The following COL2A1 variants were observed in gnomAD, a reference collection of about 807,000 sequenced individuals.
The protein encoded by COL2A1 is collagen type II alpha 1 chain, also known as collagen alpha-1(II) chain.
In COL2A1, 28 loss-of-function variants were observed where a neutral mutation model predicts 204.5. The observed-to-expected ratio is 0.14, with a 90% CI of 0.10 to 0.19. COL2A1 has a LOEUF of 0.19. Ranked by LOEUF, COL2A1 falls within the 10% of genes least tolerant of loss-of-function variation. COL2A1 has a pLI of 1.00. For missense variants in COL2A1, 1,388 were observed against 2,027.5 expected (o/e 0.68, Z 6.06); for synonymous variants, 708 against 718.7 (o/e 0.99, Z 0.24).
chr12:47,984,053 C>A, intron 29 of COL2A1, 34 bp downstream of exon 29: 1 of 1,599,974 alleles, frequency 6.3e-7, no homozygotes, highest in South Asian at 1.1e-5. Context: ...CCCCTGCCCC[C>A]AGGGCCACCT....
At position 47,995,306 on chromosome 12, in the gene COL2A1, A is replaced by G. The variant is rs764487245; in HGVS notation, c.711T>C (p.Gly237=). 1.4e-5 allele frequency: 23 copies of G among 1,613,290 alleles called. No homozygotes were observed. The highest frequency in any genetic ancestry group is 1.7e-5 in the Non-Finnish European group (20 of 1,179,250). The change falls in exon 11 of 54, where the codon GGT becomes GGC. Residue 237 remains glycine, a splice_region_variant and synonymous_variant. Coordinates refer to ENST00000380518, the MANE Select transcript of COL2A1 (RefSeq NM_001844.5). ...CAGGAGGACCACGGGGACCCATGGG[A>G]CCCTACAAACAAAGGAAGATAGTTT... The part of the protein sequence containing the change: ...PGEPGEPGVS[G]PMGPRGPPGP...
rs73297157 is a variant in COL2A1 at position 47,978,550 on chromosome 12, C to A, written c.2895+47G>T. On this transcript the variant is annotated intron_variant, in intron 42 of 53. Transcript: ENST00000380518. The surrounding 1 kb of genome is among the most constrained non-coding windows in gnomAD (Gnocchi z 5.5). ...GCTCTGTGAGCTCAGAAGCCACTCACGACCCTGCTCCCAGGGACCTTGGCA... is the reference window on the plus strand; with the variant it reads ...GCTCTGTGAGCTCAGAAGCCACTCAAGACCCTGCTCCCAGGGACCTTGGCA... 1 of 1,611,618 alleles carries A rather than the reference C, an allele frequency of 6.2e-7. No individual in the cohort carries two copies. The highest frequency in any genetic ancestry group is 1.3e-5 in the African/African-American group (1 of 74,992).
At chr12:47,975,269 G>A (rs1366657567) in intron 51 of COL2A1, 48 bp downstream of exon 51, 4 of 1,609,434 alleles carry the variant, frequency 2.5e-6, no homozygotes, top group Non-Finnish European at 3.4e-6. Flanking sequence ...AGGCCTAAGG[G>A]ATGACTCCCT....
chr12:47,984,107 C>G lies in COL2A1; in HGVS notation c.1921G>C (p.Ala641Pro). ...LPGKDGETGA[A>P]GPPGPAGPAG... is the part of the protein sequence containing the mutation. ...CTTACAGCAGGGCCAGGGGGTCCTG[C>G]AGCACCTGTCTCACCATCTTTGCCA... is the stretch of plus-strand genomic sequence containing the variant. Residue 641 changes from alanine (A) to proline (P), a missense_variant, in exon 29 of 54, where the codon GCA (alanine) becomes CCA (proline). Coordinates refer to ENST00000380518, the MANE Select transcript of COL2A1 (RefSeq NM_001844.5). 6.2e-7 allele frequency: 1 copy of G among 1,613,536 alleles called. No individual in the cohort carries two copies. The highest frequency in any genetic ancestry group is 8.5e-7 in the Non-Finnish European group (1 of 1,179,824).
chr12:47,997,827 C>T (rs776351171), intron 6 of COL2A1, 44 bp downstream of exon 6: 2 of 1,613,510 alleles, frequency 1.2e-6, no homozygotes, highest in East Asian at 2.2e-5. Context: ...CCTTGGGGGA[C>T]CTGGGAAGTC....
intron 41 of COL2A1, 46 bp downstream of exon 41, chr12:47,979,465 C>T: frequency 6.2e-7 from 1 of 1,604,394 alleles, no homozygotes; most frequent in Non-Finnish European, 8.5e-7. Context: ...CTGGGCCAGG[C>T]TATTCCATGC....
rs769590506 is a variant in COL2A1, at chr12:47,978,728, G to A, written c.2764C>T (p.Pro922Ser). The A allele has an allele frequency of 2.2e-5, 36 of 1,612,924 alleles. No homozygotes were observed. Among genetic ancestry groups the A allele is most frequent in the Non-Finnish European group, 5.9e-6 (7 of 1,179,982 alleles). ...GNPGPPGPPGPSGKDGPKGAR... is the reference protein window; with the variant it reads ...GNPGPPGPPGSSGKDGPKGAR... ...CCTTTGGGACCATCTTTTCCAGAAG[G>A]ACCAGGGGGACCAGGGGGTCCAGGG... Residue 922 changes from proline (P) to serine (S), a missense_variant, in exon 42 of 54, where the codon CCT becomes TCT. By Grantham distance (74) the Pro-to-Ser change is moderately conservative. Around this residue, in one of 3 missense-constraint regions of COL2A1, gnomAD observed 884 missense variants for 1,415.8 expected, o/e 0.62. Coordinates refer to ENST00000380518, the MANE Select transcript of COL2A1 (RefSeq NM_001844.5). This position sits in a 1 kb window ranked among gnomAD's most constrained non-coding sequence, Gnocchi z 5.5.
At chr12:47,994,715 CCT>C (rs925085289) in intron 11 of COL2A1, among the ~76,000 whole-genome samples, 1 of 152,234 alleles carries the variant, frequency 6.6e-6, no homozygotes, top group Non-Finnish European at 1.5e-5. Flanking sequence ...TCCAACTTCC[CCT>C]GAGAGGCTTT....
rs112653089 is a variant in COL2A1, at chr12:47,995,062, G to T, written c.762+193C>A. On this transcript the variant is annotated intron_variant, in intron 11 of 53. Coordinates refer to ENST00000380518, the MANE Select transcript of COL2A1 (RefSeq NM_001844.5). ...TTGTCTTCCCCTTGGATCCAAAGCG[G>T]TCCCCAGGGAACTTGCCAGCACAGT... Among the ~76,000 whole-genome samples, 459 of 152,120 alleles carry T rather than the reference G, an allele frequency of 3.0e-3. 1 individual carries two copies. The highest frequency in any genetic ancestry group is 6.8e-3 in the Middle Eastern group (2 of 294).
chr12:47,984,181 C>G lies in COL2A1; in HGVS notation c.1888-41G>C, dbSNP rs557585133. On this transcript the variant is annotated intron_variant, in intron 28 of 53. Transcript: ENST00000380518. ...AAAGAAAAGTCAATGACACGCTTTT[C>G]TTCCCACTTGCAGTCCCCCTAGGAT... The G allele has an allele frequency of 1.9e-6, 3 of 1,591,772 alleles. No individual in the cohort carries two copies. The Admixed American group carries it at 5.1e-5, about 27-fold the overall frequency.
chr12:47,994,500 C>T lies in COL2A1; in HGVS notation c.763-23G>A, dbSNP rs779245655. On this transcript the variant is annotated intron_variant, in intron 11 of 53. Coordinates refer to ENST00000380518, the MANE Select transcript of COL2A1 (RefSeq NM_001844.5). ...ACCCTGAAGGGAGAGAGAGAGATAT[C>T]CCAGCTTCCTCAGAGACGCAGTAGC... is the stretch of plus-strand genomic sequence containing the variant. 7 of 1,613,048 alleles carry T rather than the reference C, an allele frequency of 4.3e-6. No individual in the cohort carries two copies. The East Asian group carries it at 1.6e-4, about 36-fold the overall frequency.
In COL2A1 at chr12:47,974,140, C is replaced by T. The variant is rs1323562951; in HGVS notation, c.4266G>A (p.Arg1422=). ...ACGTGAACCTGCTATTGCCCTCTGC[C>T]CGGATCTCCACGTCATTGGAGCCCT... ...LIQGSNDVEI[R]AEGNSRFTYT... is the part of the protein sequence containing the mutation. Residue 1422 remains arginine, a synonymous_variant, in exon 53 of 54, where the codon CGG becomes CGA. Coordinates refer to ENST00000380518, the MANE Select transcript of COL2A1 (RefSeq NM_001844.5). The T allele has an allele frequency of 6.2e-7, 1 of 1,614,108 alleles. No homozygotes were observed. Among genetic ancestry groups the T allele is most frequent in the African/African-American group, 1.3e-5 (1 of 74,934 alleles).
At position 47,987,949 on chromosome 12, in the gene COL2A1, A is replaced by T. The variant is rs992141200; in HGVS notation, c.1123-240T>A. 1.3e-5 allele frequency among the ~76,000 whole-genome samples: 2 copies of T among 152,012 alleles called. No individual in the cohort carries two copies. Among genetic ancestry groups the T allele is most frequent in the African/African-American group, 4.8e-5 (2 of 41,358 alleles). On this transcript the variant is annotated intron_variant, in intron 18 of 53. Transcript: ENST00000380518. This position sits in a 1 kb window ranked among gnomAD's most constrained non-coding sequence, Gnocchi z 4.1. The stretch of plus-strand genomic sequence containing the variant: ...CTCCTCTACTGCTTACCTCATCTCT[A>T]CACAGTGAGCCTCCACATGCCACGG...
chr12:47,994,579 C>T (rs1468745251), intron 11 of COL2A1, 102 bp from the exon 12 acceptor site: 1 of 1,247,248 alleles, frequency 8.0e-7, no homozygotes, highest in East Asian at 2.4e-5. Flanking sequence ...ATGCCTTTGC[C>T]TACCGGCTCA....
In COL2A1 at chr12:47,980,790, T is replaced by C. The variant is rs905000589; in HGVS notation, c.2517+125A>G. ...TCTGGACATGATGGTTCTATTAGTA[T>C]GGAGGCGGGAAAGGAGAGGAGAGGA... On this transcript the variant is annotated intron_variant, in intron 38 of 53. Coordinates refer to ENST00000380518, the MANE Select transcript of COL2A1 (RefSeq NM_001844.5). This position sits in a 1 kb window ranked among gnomAD's most constrained non-coding sequence, Gnocchi z 4.5. The C allele has an allele frequency of 1.0e-5, 14 of 1,391,118 alleles. 2 individuals are homozygous for C. In the Middle Eastern group the frequency reaches 7.0e-4, roughly 70 times the overall value. 86.2% of individuals were successfully genotyped at this position (1,391,118 alleles called of 1,614,324 possible). A position where few individuals can be genotyped will look rare whatever the true frequency, so the allele number is the denominator to read the frequency against.
rs947063848 is a variant in COL2A1, at chr12:47,997,647, G to A, written c.490C>T (p.Pro164Ser). The A allele has an allele frequency of 1.9e-6, 3 of 1,613,768 alleles. No homozygotes were observed. The African/African-American group carries it at 4.0e-5, about 22-fold the overall frequency. The change falls in exon 7 of 54, where the codon CCT (proline) becomes TCT (serine). Residue 164 changes from proline to serine, a missense_variant. By Grantham distance (74) the Pro-to-Ser change is moderately conservative. Coordinates refer to ENST00000380518, the MANE Select transcript of COL2A1 (RefSeq NM_001844.5). ...GGACCAGGGGGGCCGGGAGGACCAG[G>A]GGGGCCAGGATTTCCAGGGGTCCCA... ...EPGTPGNPGP[P>S]GPPGPPGPPG...
rs747292062 is a variant in COL2A1 at position 47,982,654 on chromosome 12, C to T, written c.2194-45G>A. On this transcript the variant is annotated intron_variant, in intron 33 of 53. Coordinates refer to ENST00000380518, the MANE Select transcript of COL2A1 (RefSeq NM_001844.5). ...GGAGTCTGTAGTGGACAGCACCTCT[C>T]CCTGAACCCATGTTCATGGAGCCTG... is the stretch of plus-strand genomic sequence containing the variant. The T allele has an allele frequency of 2.1e-6, 3 of 1,426,968 alleles. No homozygotes were observed. The South Asian group carries it at 3.5e-5, about 17-fold the overall frequency. The allele number at this position is 1,426,968 out of a possible 1,614,324, so 88.4% of individuals were successfully genotyped here. A position where few individuals can be genotyped will look rare whatever the true frequency, so the allele number is the denominator to read the frequency against.
At position 47,995,379 on chromosome 12, in the gene COL2A1, G is replaced by A. The variant is rs1939906116; in HGVS notation, c.709-71C>T. 3 of 1,328,068 alleles carry A rather than the reference G, an allele frequency of 2.3e-6. No homozygotes were observed. The Admixed American group carries it at 5.0e-5, about 22-fold the overall frequency. The allele number at this position is 1,328,068 out of a possible 1,614,324, so 82.3% of individuals were successfully genotyped here. ...ACACCTAAGCAATGGACAAAACTTT[G>A]ACATTGTAGTTTTGGAAGCCAGTTC... On this transcript the variant is annotated intron_variant, in intron 10 of 53. Transcript: ENST00000380518.
In COL2A1 at chr12:47,976,695, A is replaced by G; in HGVS notation, c.3435+117T>C. ...CCACTTCCTCCTCCCTCCAGCCCTG[A>G]GGAAATCCTAGAAACTGCTTAGGGT... On this transcript the variant is annotated intron_variant, in intron 48 of 53. Coordinates refer to ENST00000380518, the MANE Select transcript of COL2A1 (RefSeq NM_001844.5). The surrounding 1 kb of genome is among the most constrained non-coding windows in gnomAD (Gnocchi z 4.3). 7.3e-7 allele frequency: 1 copy of G among 1,373,076 alleles called. No individual in the cohort carries two copies. 85.1% of individuals were successfully genotyped at this position (1,373,076 alleles called of 1,614,324 possible). A position where few individuals can be genotyped will look rare whatever the true frequency, so the allele number is the denominator to read the frequency against.
Sources: gnomAD v4.1 joint callset for allele counts (sites outside exome capture counted in the v4.1 genomes callset) on GRCh38, gnomAD v4.1.1 for gene constraint, gnomAD v4.1.1 regional missense constraint, Gnocchi (gnomAD v3.1) non-coding constraint, MANE v1.5 for transcripts, NCBI Gene and HGNC (gene_info 2026-07-23, HGNC 2026-07-21) for gene names.